MAN1A2: variants seen among roughly 807,000 people sequenced by gnomAD.
MAN1A2 encodes mannosyl-oligosaccharide 1,2-alpha-mannosidase IB.
Under a neutral mutation model 75.7 loss-of-function variants are expected in MAN1A2, and 26 were observed. The observed-to-expected ratio is 0.34, with a 90% CI of 0.25 to 0.48. The LOEUF is 0.48. MAN1A2 is among the 20% of genes least tolerant of loss of function. The pLI, the probability that MAN1A2 is intolerant of heterozygous loss-of-function variation, is 0.99. For synonymous variants in MAN1A2, 247 were observed against 264.6 expected, an observed-to-expected ratio of 0.93 and a Z score of 0.65; for missense variants, 562 against 775.5, an observed-to-expected ratio of 0.72 and a Z score of 3.27.
Position 117,382,740 on chromosome 1 carries a change from G to A in MAN1A2, c.302+14255G>A, listed in dbSNP as rs976948481. ...GAAGAAAGTCATTGGTAGCTTGATG[G>A]GGATGGCATTGAATCTATAAATTAC... On this transcript the variant is annotated intron_variant, in intron 1 of 12. Coordinates refer to ENST00000356554, the MANE Select transcript of MAN1A2 (RefSeq NM_006699.5). Among the ~76,000 whole-genome samples the A allele has an allele frequency of 7.3e-4, 111 of 152,090 alleles. 4 individuals are homozygous for A. Among genetic ancestry groups the A allele is most frequent in the Non-Finnish European group, 1.8e-4 (12 of 68,014 alleles).
chr1:117,388,284 T>C (rs775187274), intron 1 of MAN1A2, among the ~76,000 whole-genome samples: 2 of 151,594 alleles, frequency 1.3e-5, no homozygotes, highest in Non-Finnish European at 2.9e-5. Flanking sequence ...TAACAAGGAG[T>C]GATGGCTATA....
chr1:117,374,852 G>A (rs752554474), intron 1 of MAN1A2, among the ~76,000 whole-genome samples: 1 of 151,954 alleles, frequency 6.6e-6, no homozygotes, highest in Admixed American at 6.6e-5. Flanking sequence ...ATATTACAAA[G>A]ATAAAATGTA....
intron 11 of MAN1A2, among the ~76,000 whole-genome samples, chr1:117,501,149 G>A (rs952849058): frequency 6.6e-6 from 1 of 151,704 alleles, no homozygotes; most frequent in African/African-American, 2.4e-5. Context: ...GGAGAGGTGT[G>A]ACAGGGTCAA....
intron 1 of MAN1A2, among the ~76,000 whole-genome samples, chr1:117,396,550 A>G (rs1175168428): frequency 1.3e-5 from 2 of 152,198 alleles, no homozygotes; most frequent in Non-Finnish European, 2.9e-5. Flanking sequence ...AAATCTAGAA[A>G]TTTGGCTGCC....
Position 117,397,629 on chromosome 1 carries a change from C to T in MAN1A2, c.303-4557C>T, listed in dbSNP as rs186674577. ...GTATTGCCTACCCTGTAGTCAGAGC[C>T]GCTGTTTATAACCCCCTTTTTTTTT... On this transcript the variant is annotated intron_variant, in intron 1 of 12. Transcript: ENST00000356554. 1.2e-3 allele frequency among the ~76,000 whole-genome samples: 174 copies of T among 147,768 alleles called. 1 individual carries two copies. Among genetic ancestry groups the T allele is most frequent in the Non-Finnish European group, 1.8e-3 (118 of 67,420 alleles).
At chr1:117,379,056 T>G (rs1176300014) in intron 1 of MAN1A2, among the ~76,000 whole-genome samples, 2 of 152,154 alleles carry the variant, frequency 1.3e-5, no homozygotes, top group East Asian at 1.9e-4. Context: ...TGTTTTCATT[T>G]ATGGTCTCTA....
At chr1:117,519,449 AAAG>A (rs1570809104) in intron 12 of MAN1A2, among the ~76,000 whole-genome samples, 1 of 152,076 alleles carries the variant, frequency 6.6e-6, no homozygotes, top group Non-Finnish European at 1.5e-5. Flanking sequence ...TTAACCAAGA[AAAG>A]AAAGAAAATT....
chr1:117,517,728 C>A (rs61807765), intron 12 of MAN1A2, among the ~76,000 whole-genome samples: 18,251 of 151,904 alleles, frequency 0.12, 1,162 homozygotes, highest in Non-Finnish European at 0.14. Flanking sequence ...CCAAAAAAAC[C>A]CTTTTTTTGA....
intron 7 of MAN1A2, among the ~76,000 whole-genome samples, chr1:117,465,837 T>C (rs562196441): frequency 6.6e-6 from 1 of 152,294 alleles, no homozygotes; most frequent in African/African-American, 2.4e-5. Flanking sequence ...CTTAAAGATA[T>C]CTATTGTGGG....
chr1:117,446,576 C>A (rs764669963), intron 6 of MAN1A2, among the ~76,000 whole-genome samples: 6 of 151,942 alleles, frequency 3.9e-5, no homozygotes, highest in Non-Finnish European at 8.8e-5. Context: ...GGTTCAATTG[C>A]CAAATTTTAG....
chr1:117,395,573 AAC>A (rs1398013098), intron 1 of MAN1A2, among the ~76,000 whole-genome samples: 1 of 152,230 alleles, frequency 6.6e-6, no homozygotes, highest in African/African-American at 2.4e-5. Context: ...TGAAGGACAA[AAC>A]ACAAAAAAAC....
intron 1 of MAN1A2, among the ~76,000 whole-genome samples, chr1:117,382,808 C>A (rs1205327729): frequency 6.6e-6 from 1 of 152,048 alleles, no homozygotes; most frequent in Non-Finnish European, 1.5e-5. Flanking sequence ...TTCTTCCTAC[C>A]CATGAGCATG....
intron 1 of MAN1A2, among the ~76,000 whole-genome samples, chr1:117,384,188 C>T (rs189920749): frequency 2.0e-4 from 30 of 152,156 alleles, no homozygotes; most frequent in African/African-American, 6.5e-4. Context: ...GTTTGCACCT[C>T]TTTTTCTAGT....
intron 8 of MAN1A2, among the ~76,000 whole-genome samples, chr1:117,475,299 A>C (rs904732528): frequency 6.6e-6 from 1 of 151,926 alleles, no homozygotes; most frequent in Non-Finnish European, 1.5e-5. Flanking sequence ...GTGTTTCTCC[A>C]TATACCTGCC....
intron 2 of MAN1A2, among the ~76,000 whole-genome samples, chr1:117,404,623 T>C (rs4460623): frequency 0.12 from 18,283 of 152,186 alleles, 1,158 homozygotes; most frequent in Non-Finnish European, 0.14. Context: ...GCCCTCTATC[T>C]CATGGTGTCA....
At chr1:117,377,656 C>T (rs1653197211) in intron 1 of MAN1A2, among the ~76,000 whole-genome samples, 2 of 151,818 alleles carry the variant, frequency 1.3e-5, no homozygotes. Context: ...TATATCCCAT[C>T]CCAATATATA....
chr1:117,429,799 G>A (rs1648540183), intron 5 of MAN1A2, among the ~76,000 whole-genome samples: 1 of 103,050 alleles, frequency 9.7e-6, no homozygotes, highest in Admixed American at 8.5e-5. Context: ...CGGCTGGCCG[G>A]GCGGGGGGCC....
chr1:117,386,977 A>T (rs953196317), intron 1 of MAN1A2, among the ~76,000 whole-genome samples: 2 of 152,128 alleles, frequency 1.3e-5, no homozygotes, highest in Non-Finnish European at 2.9e-5. Flanking sequence ...AATATTTGCA[A>T]ATCATGTATC....
chr1:117,460,629 T>C lies in MAN1A2; in HGVS notation c.1074+17T>C. ...TACAAAAAGGTTTGTTTTCTTGCCT[T>C]CTATTCTTTGTTTGTTATAAAGAGT... is the stretch of plus-strand genomic sequence containing the variant. On this transcript the variant is annotated intron_variant, in intron 7 of 12. Coordinates refer to ENST00000356554, the MANE Select transcript of MAN1A2 (RefSeq NM_006699.5). 4.4e-6 allele frequency: 7 copies of C among 1,592,826 alleles called. No homozygotes were observed. Among genetic ancestry groups the C allele is most frequent in the Non-Finnish European group, 6.0e-6 (7 of 1,172,490 alleles).
Sources: gnomAD v4.1 joint callset for allele counts (sites outside exome capture counted in the v4.1 genomes callset) on GRCh38, gnomAD v4.1.1 for gene constraint, MANE v1.5 for transcripts, NCBI Gene and HGNC (gene_info 2026-07-23, HGNC 2026-07-21) for gene names.